Variants in YWHAQ observed in about 807,000 individuals in gnomAD.
YWHAQ encodes tyrosine 3-monooxygenase/tryptophan 5-monooxygenase activation protein theta.
YWHAQ carries 6 observed loss-of-function variants against 28.3 expected under a neutral mutation model. The ratio of observed to expected loss-of-function variants is 0.21; its 90% CI spans 0.12 to 0.42. The LOEUF (loss-of-function observed/expected upper bound fraction) is 0.42. Among genes scored for constraint, YWHAQ ranks in the 10% least tolerant of loss-of-function variants. The pLI, the probability that YWHAQ is intolerant of heterozygous loss-of-function variation, is 1.00. For synonymous variants in YWHAQ, 143 were observed against 119.1 expected, an observed-to-expected ratio of 1.20 and a Z score of -1.31; for missense variants, 201 against 305.6, an observed-to-expected ratio of 0.66 and a Z score of 2.55.
At chr2:9,622,214 GCCTGCC>G (rs537983142) in intron 2 of YWHAQ, among the ~76,000 whole-genome samples, 2 of 150,880 alleles carry the variant, frequency 1.3e-5, no homozygotes, top group Non-Finnish European at 2.9e-5. Flanking sequence ...TATCCCAGAA[GCCTGCC>G]CCTTCCCAAT....
intron 4 of YWHAQ, 84 bp downstream of exon 4, chr2:9,588,081 C>T (rs1392773659): frequency 4.2e-6 from 6 of 1,426,450 alleles, no homozygotes; most frequent in Non-Finnish European, 4.7e-6. Context: ...CCCTGGGTAT[C>T]CAAGTAAAAT....
At chr2:9,613,277 T>C (rs1666985400) in intron 2 of YWHAQ, among the ~76,000 whole-genome samples, 1 of 152,170 alleles carries the variant, frequency 6.6e-6, no homozygotes, top group Non-Finnish European at 1.5e-5. Context: ...TAAAAAGTTT[T>C]CAAACTTTTG....
At chr2:9,605,502 A>G (rs1409172930) in intron 2 of YWHAQ, among the ~76,000 whole-genome samples, 5 of 152,014 alleles carry the variant, frequency 3.3e-5, no homozygotes, top group Admixed American at 3.3e-4. Context: ...GATATGTCCA[A>G]TTCTTGTCCC....
At chr2:9,611,721 A>G (rs1293085049) in intron 2 of YWHAQ, among the ~76,000 whole-genome samples, 7 of 152,034 alleles carry the variant, frequency 4.6e-5, no homozygotes, top group Non-Finnish European at 7.4e-5. Flanking sequence ...CAGAGGCTGG[A>G]ATGCAGTGGT....
chr2:9,613,880 G>A (rs1013442031), intron 2 of YWHAQ, among the ~76,000 whole-genome samples: 1 of 152,230 alleles, frequency 6.6e-6, no homozygotes, highest in African/African-American at 2.4e-5. Flanking sequence ...CTGAGGTGCT[G>A]TGACTGCAGT....
chr2:9,588,640 G>C (rs901999875), intron 3 of YWHAQ, among the ~76,000 whole-genome samples: 1 of 152,080 alleles, frequency 6.6e-6, no homozygotes, highest in Non-Finnish European at 1.5e-5. Flanking sequence ...GCGTGATGGC[G>C]GGCATCTGTA....
chr2:9,615,526 A>T (rs919472615), intron 2 of YWHAQ, among the ~76,000 whole-genome samples: 4 of 152,286 alleles, frequency 2.6e-5, no homozygotes, highest in African/African-American at 7.2e-5. Context: ...GAGGCTGAAG[A>T]AAAATGCTGG....
intron 4 of YWHAQ, 103 bp from the exon 5 acceptor site, chr2:9,587,612 G>T: frequency 1.0e-6 from 1 of 960,560 alleles, no homozygotes; most frequent in Non-Finnish European, 1.5e-6. Flanking sequence ...CCCACCTTAT[G>T]TTCTACCATC....
intron 2 of YWHAQ, among the ~76,000 whole-genome samples, chr2:9,600,693 G>A (rs946029246): frequency 7.9e-5 from 12 of 151,744 alleles, no homozygotes; most frequent in South Asian, 2.1e-4. Context: ...CAACAAGAGC[G>A]AAACTCTGTC....
At chr2:9,588,044 T>G in intron 4 of YWHAQ, 121 bp downstream of exon 4, 1 of 1,233,394 alleles carries the variant, frequency 8.1e-7, no homozygotes, top group Non-Finnish European at 1.1e-6. Context: ...AAAGAGGAGA[T>G]TTCAAAATAA....
intron 2 of YWHAQ, among the ~76,000 whole-genome samples, chr2:9,600,197 T>G (rs375163139): frequency 4.0e-4 from 61 of 152,344 alleles, no homozygotes; most frequent in African/African-American, 1.4e-3. Flanking sequence ...AGATGAGAAC[T>G]TGCTTCTCAT....
At chr2:9,591,838 A>AT (rs1428779396) in intron 2 of YWHAQ, among the ~76,000 whole-genome samples, 1 of 152,258 alleles carries the variant, frequency 6.6e-6, no homozygotes, top group Non-Finnish European at 1.5e-5. Context: ...GCTAGGTGCT[A>AT]TAACGGATAT....
chr2:9,609,747 C>T (rs1018456735), intron 2 of YWHAQ, among the ~76,000 whole-genome samples: 4 of 152,094 alleles, frequency 2.6e-5, no homozygotes, highest in Non-Finnish European at 5.9e-5. Context: ...CTTCAAAGTG[C>T]GGAGAAAAAC....
intron 2 of YWHAQ, among the ~76,000 whole-genome samples, chr2:9,598,079 C>T (rs968215185): frequency 3.4e-5 from 5 of 147,794 alleles, no homozygotes; most frequent in African/African-American, 1.3e-4. Flanking sequence ...GGTGGTCCGC[C>T]TGCCTTGGCC....
In YWHAQ at chr2:9,630,611, G is replaced by A. The variant is rs1667353061; in HGVS notation, c.-82-77C>T. 2 of 662,598 alleles carry A rather than the reference G, an allele frequency of 3.0e-6. No individual in the cohort carries two copies. The highest frequency in any genetic ancestry group is 4.8e-6 in the Non-Finnish European group (2 of 418,426). 41.0% of individuals were successfully genotyped at this position (662,598 alleles called of 1,614,324 possible). A position where few individuals can be genotyped will look rare whatever the true frequency, so the allele number is the denominator to read the frequency against. ...CGTCAGACAATGCGGCCCGCCGCCCGCTTTTGTCTCCCGCACACGCGGCCG... is the reference window on the plus strand; with the variant it reads ...CGTCAGACAATGCGGCCCGCCGCCCACTTTTGTCTCCCGCACACGCGGCCG... On this transcript the variant is annotated intron_variant, in intron 1 of 5. Coordinates refer to ENST00000238081, the MANE Select transcript of YWHAQ (RefSeq NM_006826.4). This position sits in a 1 kb window ranked among gnomAD's most constrained non-coding sequence, Gnocchi z 5.6.
intron 2 of YWHAQ, among the ~76,000 whole-genome samples, chr2:9,614,325 G>A (rs1034917275): frequency 6.6e-6 from 1 of 152,060 alleles, no homozygotes; most frequent in African/African-American, 2.4e-5. Context: ...GCAAATAAAC[G>A]CCAAAGTCTA....
chr2:9,628,962 T>C (rs947062460), intron 2 of YWHAQ: 1 of 149,376 alleles, frequency 6.7e-6, no homozygotes, highest in African/African-American at 2.5e-5. Context: ...GAAAAATAGA[T>C]AGGTTAAAAA....
intron 2 of YWHAQ, among the ~76,000 whole-genome samples, chr2:9,603,904 G>A (rs1330509476): frequency 1.3e-5 from 2 of 152,020 alleles, no homozygotes; most frequent in East Asian, 1.9e-4. Context: ...CAGCCTGGAC[G>A]ACAGAGTGAC....
intron 2 of YWHAQ, among the ~76,000 whole-genome samples, chr2:9,618,526 A>G (rs1437257437): frequency 6.6e-6 from 1 of 152,068 alleles, no homozygotes; most frequent in Non-Finnish European, 1.5e-5. Context: ...TTCTTTTTTG[A>G]GACAGAGACT....
Sources: allele counts gnomAD v4.1 joint callset (sites outside exome capture counted in the v4.1 genomes callset), GRCh38; gene constraint gnomAD v4.1.1; non-coding constraint Gnocchi (gnomAD v3.1); transcripts MANE v1.5; gene names NCBI Gene and HGNC (gene_info 2026-07-23, HGNC 2026-07-21).